SNX29: variants seen among roughly 807,000 people sequenced by gnomAD.
SNX29 encodes the protein sorting nexin 29, also known as sorting nexin-29.
SNX29 carries 78 observed loss-of-function variants against 102.1 expected under a neutral mutation model. The ratio of observed to expected loss-of-function variants is 0.76; its 90% CI spans 0.64 to 0.92. SNX29 has a LOEUF of 0.92. Ranked by LOEUF, SNX29 falls within the 40% of genes least tolerant of loss-of-function variation. The pLI is 0.00. For synonymous variants in SNX29, 580 were observed against 414.5 expected, an observed-to-expected ratio of 1.40 and a Z score of -4.85; for missense variants, 1,280 against 1,061.7, an observed-to-expected ratio of 1.21 and a Z score of -2.86.
chr16:12,183,312 A>AT (rs1160725521), intron 13 of SNX29, among the ~76,000 whole-genome samples: 1 of 151,962 alleles, frequency 6.6e-6, no homozygotes, highest in African/African-American at 2.4e-5. Context: ...AATACTTTGT[A>AT]TTTTTTTTAA....
intron 18 of SNX29, among the ~76,000 whole-genome samples, chr16:12,405,925 G>C (rs2151522459): frequency 6.6e-6 from 1 of 152,192 alleles, no homozygotes; most frequent in South Asian, 2.1e-4. Context: ...CCAGCTACTT[G>C]GGAGGCTGAG....
At chr16:12,328,424 C>T (rs1033016311) in intron 15 of SNX29, among the ~76,000 whole-genome samples, 4 of 152,154 alleles carry the variant, frequency 2.6e-5, no homozygotes, top group Non-Finnish European at 4.4e-5. Flanking sequence ...GCCTCACATC[C>T]CCAGTGACAA....
intron 14 of SNX29, among the ~76,000 whole-genome samples, chr16:12,258,725 C>T (rs1009585851): frequency 6.6e-6 from 1 of 152,090 alleles, no homozygotes; most frequent in Non-Finnish European, 1.5e-5. Flanking sequence ...CGCTGCCTTT[C>T]CATCTTAGTA....
intron 14 of SNX29, among the ~76,000 whole-genome samples, chr16:12,217,973 T>G (rs180768145): frequency 1.3e-5 from 2 of 152,366 alleles, no homozygotes; most frequent in East Asian, 3.9e-4. Flanking sequence ...TTTCTTGGTT[T>G]CCCATGACTT....
intron 15 of SNX29, among the ~76,000 whole-genome samples, chr16:12,323,685 C>A (rs549286700): frequency 2.0e-4 from 31 of 152,252 alleles, no homozygotes; most frequent in African/African-American, 7.2e-4. Flanking sequence ...GAGTTCCATG[C>A]TTGGGGAGAC....
At chr16:12,068,354 C>T (rs999358239) in intron 9 of SNX29, among the ~76,000 whole-genome samples, 2 of 152,030 alleles carry the variant, frequency 1.3e-5, no homozygotes, top group African/African-American at 4.8e-5. Flanking sequence ...CATGGTGGCA[C>T]ACACCTGTAG....
intron 20 of SNX29, among the ~76,000 whole-genome samples, chr16:12,540,490 G>A (rs1157094702): frequency 1.3e-5 from 2 of 152,244 alleles, no homozygotes; most frequent in Non-Finnish European, 2.9e-5. Flanking sequence ...GGTGTCGGCA[G>A]GGCTGGCGCC....
chr16:12,346,936 C>G (rs1213148873), intron 15 of SNX29, among the ~76,000 whole-genome samples: 2 of 152,150 alleles, frequency 1.3e-5, no homozygotes, highest in Admixed American at 6.5e-5. Context: ...ACATTGGGGC[C>G]TGAGACCTGG....
intron 20 of SNX29, among the ~76,000 whole-genome samples, chr16:12,535,907 T>C (rs1367858505): frequency 1.3e-5 from 2 of 152,172 alleles, no homozygotes; most frequent in African/African-American, 4.8e-5. Flanking sequence ...TTGAGGTTAA[T>C]TGAAGAAAGG....
At chr16:12,303,387 A>G (rs2080243731) in intron 15 of SNX29, among the ~76,000 whole-genome samples, 2 of 152,356 alleles carry the variant, frequency 1.3e-5, no homozygotes, top group East Asian at 1.9e-4. Flanking sequence ...GTGTTACAGC[A>G]TAGAAATCAA....
rs1487273190 is a variant in SNX29, at chr16:12,105,819, G to A, written c.1403-20814G>A. 3.3e-5 allele frequency among the ~76,000 whole-genome samples: 5 copies of A among 152,190 alleles called. No homozygotes were observed. The East Asian group carries it at 9.6e-4, about 29-fold the overall frequency. On this transcript the variant is annotated intron_variant, in intron 11 of 20. Transcript: ENST00000566228. The stretch of plus-strand genomic sequence containing the variant: ...TGGAGTGGAGAGATTAGCTTGGAAA[G>A]AAGAGATCTGCAAAGCTCTTTTTGG...
intron 14 of SNX29, among the ~76,000 whole-genome samples, chr16:12,256,676 A>G (rs1341703588): frequency 6.6e-6 from 1 of 152,178 alleles, no homozygotes; most frequent in Admixed American, 6.6e-5. Context: ...GCAGTTGTTT[A>G]TGAAGTGCCT....
chr16:12,422,104 T>C (rs2084898250), intron 18 of SNX29, among the ~76,000 whole-genome samples: 1 of 152,230 alleles, frequency 6.6e-6, no homozygotes, highest in African/African-American at 2.4e-5. Flanking sequence ...TCTCTCTCCT[T>C]TCTTAGGGAA....
rs141981742 is a variant in SNX29 at position 12,459,896 on chromosome 16, T to C, written c.2038-17823T>C. Among the ~76,000 whole-genome samples, 72 of 152,304 alleles carry C rather than the reference T, an allele frequency of 4.7e-4. 1 individual carries two copies. The highest frequency in any genetic ancestry group is 1.7e-3 in the African/African-American group (71 of 41,568). ...CTTTCTTCCTGGTAATCAAAGAGTC[T>C]GTGACTAAGAAGATAGAAGGACCAG... On this transcript the variant is annotated intron_variant, in intron 18 of 20. Coordinates refer to ENST00000566228, the MANE Select transcript of SNX29 (RefSeq NM_032167.5).
chr16:12,210,078 G>C (rs1240019585), intron 14 of SNX29, among the ~76,000 whole-genome samples: 1 of 152,020 alleles, frequency 6.6e-6, no homozygotes, highest in East Asian at 1.9e-4. Flanking sequence ...TTTTTTCTTT[G>C]GGGAACCCTC....
chr16:11,986,374 T>TAAAAAAAA (rs33924503), intron 1 of SNX29, among the ~76,000 whole-genome samples: 3 of 131,072 alleles, frequency 2.3e-5, no homozygotes, highest in African/African-American at 2.9e-5. Flanking sequence ...TCCTACAACT[T>TAAAAAAAA]AAAAAAAAAA....
At chr16:12,339,548 A>G (rs1398856233) in intron 15 of SNX29, among the ~76,000 whole-genome samples, 2 of 152,130 alleles carry the variant, frequency 1.3e-5, no homozygotes, top group African/African-American at 4.8e-5. Flanking sequence ...TGAAAACTGG[A>G]CATCCAAGGA....
chr16:12,121,129 T>C (rs2053954598), intron 11 of SNX29, among the ~76,000 whole-genome samples: 1 of 152,242 alleles, frequency 6.6e-6, no homozygotes, highest in African/African-American at 2.4e-5. Context: ...TGTTCTGTGC[T>C]GGGCACTGGG....
chr16:12,329,324 C>T lies in SNX29; in HGVS notation c.1783-26839C>T, dbSNP rs151333128. ...AAAAAATACCCCCAGTAGCTCTAGG[C>T]GTCCATCTCAGCAGCTTAGCAACTG... On this transcript the variant is annotated intron_variant, in intron 15 of 20. Transcript: ENST00000566228. 7.9e-3 allele frequency among the ~76,000 whole-genome samples: 1,181 copies of T among 149,268 alleles called. 15 individuals are homozygous for T. Among genetic ancestry groups the T allele is most frequent in the Non-Finnish European group, 0.011 (721 of 67,542 alleles).
Sources: allele counts gnomAD v4.1 joint callset (sites outside exome capture counted in the v4.1 genomes callset), GRCh38; gene constraint gnomAD v4.1.1; transcripts MANE v1.5; gene names NCBI Gene and HGNC (gene_info 2026-07-23, HGNC 2026-07-21).